APBB2: variants seen among roughly 807,000 people sequenced by gnomAD.
The protein encoded by APBB2 is Fe65-like 1.
Under a neutral mutation model 82.5 loss-of-function variants are expected in APBB2, and 38 were observed. That is an observed-to-expected ratio of 0.46 (90% CI 0.36 to 0.60). The LOEUF (loss-of-function observed/expected upper bound fraction) is 0.60. Ranked by LOEUF, APBB2 falls within the 20% of genes least tolerant of loss-of-function variation. The probability of loss-of-function intolerance (pLI) is 0.00; values close to 1 mark genes in which losing one functional copy is unlikely to be tolerated. For synonymous variants in APBB2, 341 were observed against 368.2 expected (o/e 0.93, Z 0.85); for missense variants, 772 against 972.3 (o/e 0.79, Z 2.74).
intron 7 of APBB2, among the ~76,000 whole-genome samples, chr4:40,937,730 A>G (rs1011137929): frequency 5.3e-5 from 8 of 152,244 alleles, no homozygotes; most frequent in Non-Finnish European, 1.0e-4. Flanking sequence ...TCTCCAATGT[A>G]TAAGTGACCA....
chr4:41,188,292 G>A (rs1773480012), intron 1 of APBB2, among the ~76,000 whole-genome samples: 1 of 152,152 alleles, frequency 6.6e-6, no homozygotes, highest in Non-Finnish European at 1.5e-5. Flanking sequence ...CCTCCATGAA[G>A]TAAAAGAAAA....
At chr4:40,948,429 G>A (rs1311036393) in intron 6 of APBB2, among the ~76,000 whole-genome samples, 3 of 151,996 alleles carry the variant, frequency 2.0e-5, no homozygotes, top group Non-Finnish European at 2.9e-5. Flanking sequence ...AAAATTAGCC[G>A]GGCTTGTTGG....
At chr4:40,928,177 A>G (rs530182468) in intron 10 of APBB2, among the ~76,000 whole-genome samples, 1 of 152,368 alleles carries the variant, frequency 6.6e-6, no homozygotes, top group South Asian at 2.1e-4. Context: ...AACATTTTCC[A>G]TGGAAAAGTG....
intron 1 of APBB2, among the ~76,000 whole-genome samples, chr4:41,206,049 C>T (rs1463450553): frequency 6.6e-6 from 1 of 152,120 alleles, no homozygotes; most frequent in Non-Finnish European, 1.5e-5. Context: ...TCCACAGTCA[C>T]CATGACCAAA....
intron 3 of APBB2, among the ~76,000 whole-genome samples, chr4:41,068,432 T>C (rs16852774): frequency 0.063 from 9,523 of 152,234 alleles, 347 homozygotes; most frequent in Middle Eastern, 0.13. Context: ...ATAGACCAAA[T>C]TGCATCAATG....
chr4:41,093,522 C>T (rs1742491387), intron 3 of APBB2, among the ~76,000 whole-genome samples: 1 of 152,100 alleles, frequency 6.6e-6, no homozygotes, highest in African/African-American at 2.4e-5. Flanking sequence ...CTTACCCATC[C>T]TCATTTCCCA....
chr4:40,817,986 G>A (rs1387395101), intron 17 of APBB2, among the ~76,000 whole-genome samples: 3 of 152,184 alleles, frequency 2.0e-5, no homozygotes, highest in African/African-American at 7.2e-5. Context: ...CATCCAGTGT[G>A]AATCAAAACC....
intron 1 of APBB2, among the ~76,000 whole-genome samples, chr4:41,165,756 T>A (rs1230254196): frequency 1.3e-5 from 2 of 152,060 alleles, no homozygotes. Context: ...TCCATGAAGG[T>A]ACCAGCAGTC....
chr4:41,042,985 G>T (rs142020219), intron 4 of APBB2, among the ~76,000 whole-genome samples: 40 of 152,280 alleles, frequency 2.6e-4, no homozygotes, highest in South Asian at 2.1e-4. Context: ...TCCAAGAAAG[G>T]TATAATGCTA....
chr4:41,020,266 C>A (rs979898551), intron 5 of APBB2, among the ~76,000 whole-genome samples: 1 of 152,202 alleles, frequency 6.6e-6, no homozygotes, highest in Admixed American at 6.5e-5. Context: ...CTTAACCCTG[C>A]AGGTTTCCTA....
chr4:40,904,754 G>T (rs982296609), intron 10 of APBB2, among the ~76,000 whole-genome samples: 2 of 150,892 alleles, frequency 1.3e-5, no homozygotes, highest in East Asian at 3.9e-4. Flanking sequence ...TGCCAGAGAG[G>T]TGTCTGGGGA....
intron 12 of APBB2, among the ~76,000 whole-genome samples, chr4:40,847,492 C>G (rs1207252875): frequency 2.0e-5 from 3 of 152,108 alleles, no homozygotes; most frequent in African/African-American, 7.2e-5. Context: ...CACCTTGACA[C>G]CAGAAGGCTC....
chr4:40,990,025 A>G (rs1335159905), intron 6 of APBB2: 3 of 152,268 alleles, frequency 2.0e-5, no homozygotes, highest in African/African-American at 4.8e-5. Flanking sequence ...CTGCTCCACA[A>G]GGGTTCTCAA....
intron 2 of APBB2, among the ~76,000 whole-genome samples, chr4:41,104,538 T>A (rs74897755): frequency 0.022 from 3,388 of 152,318 alleles, 118 homozygotes; most frequent in African/African-American, 0.072. Context: ...GTTATCTGGA[T>A]AAATTGTGTG....
At chr4:41,197,710 C>T in intron 1 of APBB2, among the ~76,000 whole-genome samples, 4 of 152,160 alleles carry the variant, frequency 2.6e-5, no homozygotes, top group African/African-American at 9.7e-5. Flanking sequence ...CTTCAAAACC[C>T]GTCTTAAAAC....
At chr4:41,140,928 G>C (rs1476213395) in intron 2 of APBB2, among the ~76,000 whole-genome samples, 1 of 152,154 alleles carries the variant, frequency 6.6e-6, no homozygotes, top group African/African-American at 2.4e-5. Context: ...ACATTACAAT[G>C]AGTTGCAAAA....
intron 13 of APBB2, among the ~76,000 whole-genome samples, chr4:40,828,613 C>T (rs1029291518): frequency 7.2e-5 from 11 of 152,194 alleles, no homozygotes; most frequent in Admixed American, 2.6e-4. Flanking sequence ...ATTGCCCTCT[C>T]CCCAGTGCCT....
chr4:40,883,059 C>G (rs936727362), intron 12 of APBB2, among the ~76,000 whole-genome samples: 2 of 152,186 alleles, frequency 1.3e-5, no homozygotes, highest in African/African-American at 4.8e-5. Flanking sequence ...GAGCAACAAT[C>G]TGGAAGGAGC....
chr4:41,033,584 TCA>T (rs71915197), intron 4 of APBB2, among the ~76,000 whole-genome samples: 3,171 of 130,766 alleles, frequency 0.024, 48 homozygotes, highest in East Asian at 0.077. Context: ...CTTTTTCTCA[TCA>T]CACACACACA....
Sources: gnomAD v4.1 joint callset for allele counts (sites outside exome capture counted in the v4.1 genomes callset) on GRCh38, gnomAD v4.1.1 for gene constraint, MANE v1.5 for transcripts, NCBI Gene and HGNC (gene_info 2026-07-23, HGNC 2026-07-21) for gene names.